The following SERPINB9 variants were observed in gnomAD, a reference collection of about 807,000 sequenced individuals.
SERPINB9 encodes serpin B9.
Under a neutral mutation model 27.2 loss-of-function variants are expected in SERPINB9, and 20 were observed. The ratio of observed to expected loss-of-function variants is 0.74; its 90% CI spans 0.52 to 1.07. SERPINB9 has a LOEUF of 1.07. Ranked by LOEUF, SERPINB9 falls within the 50% of genes least tolerant of loss-of-function variation. SERPINB9 has a pLI of 0.00. For synonymous variants in SERPINB9, 189 were observed against 180.0 expected, an observed-to-expected ratio of 1.05 and a Z score of -0.40; for missense variants, 476 against 460.1, an observed-to-expected ratio of 1.03 and a Z score of -0.32.
At position 2,898,537 on chromosome 6, in the gene SERPINB9, G is replaced by A. The variant is rs149640493; in HGVS notation, c.168+1907C>T. Among the ~76,000 whole-genome samples the A allele has an allele frequency of 5.5e-4, 84 of 152,316 alleles. 1 individual carries two copies. In the East Asian group the frequency reaches 0.015, roughly 27 times the overall value. ...TGTCAAGTGAAAATCAGGAAATAGGGCCGGGCGCAGTGGCTCACGCCTGTA... is the reference window on the plus strand; with the variant it reads ...TGTCAAGTGAAAATCAGGAAATAGGACCGGGCGCAGTGGCTCACGCCTGTA... On this transcript the variant is annotated intron_variant, in intron 2 of 6. Transcript: ENST00000380698.
intron 1 of SERPINB9, among the ~76,000 whole-genome samples, chr6:2,901,437 T>C (rs3799231): frequency 0.016 from 2,432 of 152,192 alleles, 78 homozygotes; most frequent in East Asian, 0.12. Context: ...AAGCCATGAG[T>C]GTAGATTGTG....
Position 2,894,918 on chromosome 6 carries a change from T to G in SERPINB9, c.424+473A>C, listed in dbSNP as rs1767939967. Among the ~76,000 whole-genome samples, 1 of 142,446 alleles carries G rather than the reference T, an allele frequency of 7.0e-6. No homozygotes were observed. Among genetic ancestry groups the G allele is most frequent in the South Asian group, 2.3e-4 (1 of 4,286 alleles). The allele number at this position is 142,446 out of a possible 152,430, so 93.5% of individuals were successfully genotyped here. On this transcript the variant is annotated intron_variant, in intron 4 of 6. Coordinates refer to ENST00000380698, the MANE Select transcript of SERPINB9 (RefSeq NM_004155.6). The surrounding 1 kb of genome is among the most constrained non-coding windows in gnomAD (Gnocchi z 4.7). ...GGCCACCACACCTGGCTAATTTTTG[T>G]ATTTTTAGTAGAGATGTTGGGCGGG...
chr6:2,899,299 A>G (rs2113615839), intron 2 of SERPINB9, among the ~76,000 whole-genome samples: 1 of 152,336 alleles, frequency 6.6e-6, no homozygotes, highest in Non-Finnish European at 1.5e-5. Context: ...AAGGCCATGA[A>G]GAGAGGGTTC....
At chr6:2,900,879 G>GCTCTCTCTCT (rs149162495) in intron 1 of SERPINB9, among the ~76,000 whole-genome samples, 1 of 140,088 alleles carries the variant, frequency 7.1e-6, no homozygotes, top group African/African-American at 2.6e-5. Context: ...TGCAGAGCTC[G>GCTCTCTCTCT]CTCTCTCACA....
Position 2,891,995 on chromosome 6 carries a change from G to T in SERPINB9, c.568-7C>A. On this transcript the variant is annotated splice_region_variant and splice_polypyrimidine_tract_variant and intron_variant, in intron 5 of 6. Coordinates refer to ENST00000380698, the MANE Select transcript of SERPINB9 (RefSeq NM_004155.6). This position sits in a 1 kb window ranked among gnomAD's most constrained non-coding sequence, Gnocchi z 4.0. ...GCACTGGCCTTTGCTCCTCCTGGGG[G>T]AAGGATTATTGAAAGACGCAATTAA... is the stretch of plus-strand genomic sequence containing the variant. 1 of 1,611,804 alleles carries T rather than the reference G, an allele frequency of 6.2e-7. No individual in the cohort carries two copies. Among genetic ancestry groups the T allele is most frequent in the Non-Finnish European group, 8.5e-7 (1 of 1,179,384 alleles).
chr6:2,891,281 G>GC lies in SERPINB9; in HGVS notation c.723+551dup, dbSNP rs775295345. 1.3e-5 allele frequency among the ~76,000 whole-genome samples: 2 copies of GC among 152,164 alleles called. No individual in the cohort carries two copies. Among genetic ancestry groups the GC allele is most frequent in the Non-Finnish European group, 2.9e-5 (2 of 68,022 alleles). ...AACTGGACTTCACACCTCCCTGGAT[G>GC]CCCCCTCCCAGCCTTGTTAGGTCAA... On this transcript the variant is annotated intron_variant, in intron 6 of 6. Coordinates refer to ENST00000380698, the MANE Select transcript of SERPINB9 (RefSeq NM_004155.6). The surrounding 1 kb of genome is among the most constrained non-coding windows in gnomAD (Gnocchi z 4.0).
At chr6:2,900,698 TTGGAATCGTACTTTTTGTTTTC>T in intron 1 of SERPINB9, 77 bp from the exon 2 acceptor site, 1 of 1,257,014 alleles carries the variant, frequency 8.0e-7, no homozygotes, top group Non-Finnish European at 1.1e-6. Context: ...CAGGGCAATT[TTGGAATCGTACTTTTTGTTTTC>T]TTCTTAAAGT....
intron 2 of SERPINB9, among the ~76,000 whole-genome samples, chr6:2,896,714 T>C (rs917289069): frequency 6.6e-6 from 1 of 152,186 alleles, no homozygotes; most frequent in Non-Finnish European, 1.5e-5. Flanking sequence ...ATTATATAGA[T>C]CATATTCTCT....
intron 5 of SERPINB9, 88 bp downstream of exon 5, chr6:2,893,323 C>G: frequency 7.4e-7 from 1 of 1,348,460 alleles, no homozygotes; most frequent in Non-Finnish European, 1.0e-6. Flanking sequence ...TTTTGGCTTA[C>G]GCTTATGTCA....
At chr6:2,893,993 C>T (rs1253674874) in intron 4 of SERPINB9, among the ~76,000 whole-genome samples, 1 of 152,056 alleles carries the variant, frequency 6.6e-6, no homozygotes, top group Non-Finnish European at 1.5e-5. Flanking sequence ...GAAGAGCTGA[C>T]ATTGGGCACA....
In SERPINB9 at chr6:2,888,617, A is replaced by C. The variant is rs1191906184; in HGVS notation, c.*1546T>G. The C allele has an allele frequency of 3.9e-5, 6 of 152,256 alleles. No homozygotes were observed. The highest frequency in any genetic ancestry group is 1.4e-4 in the African/African-American group (6 of 41,476). The allele number at this position is 152,256 out of a possible 1,614,324, so 9.4% of individuals were successfully genotyped here. On this transcript the variant is annotated 3_prime_UTR_variant, in exon 7 of 7. Coordinates refer to ENST00000380698, the MANE Select transcript of SERPINB9 (RefSeq NM_004155.6). Reference sequence around the variant, plus strand: ...ACAATTCAATTTATATAAAATAGCAAGAATAGATAAATCCATAGAGACAGA... The same window carrying C: ...ACAATTCAATTTATATAAAATAGCACGAATAGATAAATCCATAGAGACAGA...
intron 1 of SERPINB9, among the ~76,000 whole-genome samples, chr6:2,902,996 G>A (rs1452656392): frequency 6.6e-6 from 1 of 152,222 alleles, no homozygotes; most frequent in African/African-American, 2.4e-5. Flanking sequence ...CGCGGTGGCT[G>A]TGGGCCGCCA....
intron 1 of SERPINB9, among the ~76,000 whole-genome samples, chr6:2,902,968 A>ATCCGGGAGGGAGGCG (rs1244148246): frequency 1.8e-4 from 27 of 152,268 alleles, no homozygotes; most frequent in African/African-American, 6.3e-4. Context: ...GCGAGGAGAC[A>ATCCGGGAGGGAGGCG]TCCGGGAGGG....
At position 2,893,667 on chromosome 6, in the gene SERPINB9, TG is replaced by T. The variant is rs1261219667; in HGVS notation, c.425-115del. 2.6e-5 allele frequency: 23 copies of T among 873,112 alleles called. No individual in the cohort carries two copies. The East Asian group carries it at 4.7e-4, about 18-fold the overall frequency. 54.1% of individuals were successfully genotyped at this position (873,112 alleles called of 1,614,324 possible). On this transcript the variant is annotated intron_variant, in intron 4 of 6. Transcript: ENST00000380698. Reference sequence around the variant, plus strand: ...CTTCTGTTTTCAACTTTGCTGAGTTTGGGTTGTTATGTAGAGAAATAAAAAC... The same window carrying T: ...CTTCTGTTTTCAACTTTGCTGAGTTTGGTTGTTATGTAGAGAAATAAAAAC...
Position 2,890,297 on chromosome 6 carries a change from A to ACGCTGC in SERPINB9, c.991_996dup (p.Ala331_Ala332dup). The ACGCTGC allele has an allele frequency of 6.2e-7, 1 of 1,614,256 alleles. No homozygotes were observed. Among genetic ancestry groups the ACGCTGC allele is most frequent in the Non-Finnish European group, 8.5e-7 (1 of 1,180,048 alleles). On this transcript the variant is annotated inframe_insertion, in exon 7 of 7. Transcript: ENST00000380698. This position sits in a 1 kb window ranked among gnomAD's most constrained non-coding sequence, Gnocchi z 6.2. ...CACTCTGCAACTACAAAGCAGCTCG[A>ACGCTGC]CGCTGCCGCTGCCTCGGTGCCTTCT...
chr6:2,892,438 G>T (rs1733846065), intron 5 of SERPINB9, among the ~76,000 whole-genome samples: 1 of 152,092 alleles, frequency 6.6e-6, no homozygotes. Flanking sequence ...GCATGACAGG[G>T]AGTATAAATG....
chr6:2,896,427 A>G (rs911716731), intron 2 of SERPINB9, among the ~76,000 whole-genome samples: 5 of 152,162 alleles, frequency 3.3e-5, no homozygotes, highest in African/African-American at 1.2e-4. Flanking sequence ...AAGTGGTGGG[A>G]AAATTACCTC....
At chr6:2,892,011 AC>A (rs1297468069) in intron 5 of SERPINB9, 23 bp from the exon 6 acceptor site, 1 of 1,604,596 alleles carries the variant, frequency 6.2e-7, no homozygotes, top group Admixed American at 1.7e-5. Context: ...TTATTGAAAG[AC>A]GCAATTAAAA....
intron 1 of SERPINB9, 84 bp from the exon 2 acceptor site, chr6:2,900,705 C>G: frequency 8.2e-7 from 1 of 1,220,974 alleles, no homozygotes; most frequent in Non-Finnish European, 1.1e-6. Flanking sequence ...ATTTTGGAAT[C>G]GTACTTTTTG....
Sources: gnomAD v4.1 joint callset for allele counts (sites outside exome capture counted in the v4.1 genomes callset) on GRCh38, gnomAD v4.1.1 for gene constraint, Gnocchi (gnomAD v3.1) non-coding constraint, MANE v1.5 for transcripts, NCBI Gene and HGNC (gene_info 2026-07-23, HGNC 2026-07-21) for gene names.